The following FMO2 variants were observed in gnomAD, a reference collection of about 807,000 sequenced individuals.
FMO2 encodes the protein flavin-containing monooxygenase 2.
Under a neutral mutation model 41.6 loss-of-function variants are expected in FMO2, and 33 were observed. The ratio of observed to expected loss-of-function variants is 0.79; its 90% CI spans 0.60 to 1.06. The LOEUF (loss-of-function observed/expected upper bound fraction) is 1.06. Ranked by LOEUF, FMO2 falls within the 50% of genes least tolerant of loss-of-function variation. The pLI, the probability that FMO2 is intolerant of heterozygous loss-of-function variation, is 0.00. For missense variants in FMO2, 619 were observed against 632.9 expected (o/e 0.98, Z 0.23); for synonymous variants, 214 against 219.6 (o/e 0.97, Z 0.23).
intron 2 of FMO2, among the ~76,000 whole-genome samples, chr1:171,191,860 C>CAAAAAAA (rs61114452): frequency 1.4e-5 from 1 of 73,762 alleles, no homozygotes; most frequent in East Asian, 3.2e-4. Context: ...CTCATCTCTA[C>CAAAAAAA]AAAAAAAAAA....
intron 2 of FMO2, among the ~76,000 whole-genome samples, chr1:171,189,691 C>T (rs12567059): frequency 0.24 from 32,294 of 137,122 alleles, 4,311 homozygotes; most frequent in East Asian, 0.53. Context: ...TGGAGTCTCG[C>T]TCTGTTGCCC....
intron 7 of FMO2, among the ~76,000 whole-genome samples, chr1:171,207,004 A>G (rs1371654156): frequency 6.6e-6 from 1 of 152,212 alleles, no homozygotes; most frequent in East Asian, 1.9e-4. Flanking sequence ...GGTGGACAGT[A>G]GTGCTGTGAA....
Position 171,210,483 on chromosome 1 carries a change from A to T in FMO2, c.*1338A>T, listed in dbSNP as rs1281293875. The stretch of plus-strand genomic sequence containing the variant: ...TTTTTAGAATTGAAGTCTGAAACAA[A>T]CAAAAGCAATTCAATGTCAATAGAC... On this transcript the variant is annotated 3_prime_UTR_variant, in exon 9 of 9. Coordinates refer to ENST00000209929, the MANE Select transcript of FMO2 (RefSeq NM_001460.5). 2 of 152,226 alleles carry T rather than the reference A, an allele frequency of 1.3e-5. No homozygotes were observed. Among genetic ancestry groups the T allele is most frequent in the African/African-American group, 4.8e-5 (2 of 41,466 alleles). 9.4% of individuals were successfully genotyped at this position (152,226 alleles called of 1,614,324 possible).
intron 4 of FMO2, among the ~76,000 whole-genome samples, chr1:171,198,566 C>T (rs1170054725): frequency 6.6e-6 from 1 of 152,020 alleles, no homozygotes; most frequent in Non-Finnish European, 1.5e-5. Flanking sequence ...AAGTGCACGA[C>T]CACCCCTGGC....
chr1:171,210,332 T>C lies in FMO2; in HGVS notation c.*1187T>C, dbSNP rs141674151. On this transcript the variant is annotated 3_prime_UTR_variant, in exon 9 of 9. Coordinates refer to ENST00000209929, the MANE Select transcript of FMO2 (RefSeq NM_001460.5). ...TCTTTCAAGTAGATGCAAAGCATTA[T>C]AATGACTGACACTTGTATCTAACTC... 76 of 152,358 alleles carry C rather than the reference T, an allele frequency of 5.0e-4. No individual in the cohort carries two copies. The highest frequency in any genetic ancestry group is 1.7e-3 in the African/African-American group (71 of 41,594). 9.4% of individuals were successfully genotyped at this position (152,358 alleles called of 1,614,324 possible).
At chr1:171,201,290 A>G (rs1658523954) in intron 5 of FMO2, among the ~76,000 whole-genome samples, 1 of 152,160 alleles carries the variant, frequency 6.6e-6, no homozygotes. Flanking sequence ...TACATCACCT[A>G]CATAATAGAT....
rs1344147965 is a variant in FMO2, at chr1:171,185,758, A to C, written c.45A>C (p.Leu15=). Residue 15 remains leucine, a synonymous_variant, in exon 2 of 9, where the codon CTA becomes CTC. Coordinates refer to ENST00000209929, the MANE Select transcript of FMO2 (RefSeq NM_001460.5). The stretch of plus-strand genomic sequence containing the variant: ...TGATTGGAGCTGGGGTCAGTGGCCT[A>C]ATTTCTCTGAAGTGCTGTGTGGATG... The part of the protein sequence containing the change: ...VAVIGAGVSG[L]ISLKCCVDEG... 6.2e-7 allele frequency: 1 copy of C among 1,613,768 alleles called. No individual in the cohort carries two copies. Among genetic ancestry groups the C allele is most frequent in the African/African-American group, 1.3e-5 (1 of 74,894 alleles).
chr1:171,186,504 T>A (rs1349942333), intron 2 of FMO2: 1 of 152,234 alleles, frequency 6.6e-6, no homozygotes, highest in Non-Finnish European at 1.5e-5. Flanking sequence ...AAATTTACAA[T>A]CATGGCAGTG....
intron 3 of FMO2, among the ~76,000 whole-genome samples, 182 bp from the exon 4 acceptor site, chr1:171,196,467 A>G (rs1042722129): frequency 5.3e-5 from 8 of 152,190 alleles, no homozygotes; most frequent in Non-Finnish European, 1.2e-4. Flanking sequence ...AGATTCTGAC[A>G]GTTTTCATGA....
chr1:171,200,470 G>A (rs1658489911), intron 5 of FMO2, among the ~76,000 whole-genome samples: 1 of 152,174 alleles, frequency 6.6e-6, no homozygotes, highest in Non-Finnish European at 1.5e-5. Context: ...TCAGCCTGAT[G>A]TCTCTGGCCA....
Position 171,211,147 on chromosome 1 carries a change from A to C in FMO2, c.*2002A>C, listed in dbSNP as rs1000255077. On this transcript the variant is annotated 3_prime_UTR_variant, in exon 9 of 9. Transcript: ENST00000209929. The stretch of plus-strand genomic sequence containing the variant: ...TACTAATAAAATTTATCAAGCCTTT[A>C]TAGCAAGGGTCAGTGAATTACCACT... 4 of 152,242 alleles carry C rather than the reference A, an allele frequency of 2.6e-5. No homozygotes were observed. The East Asian group carries it at 7.7e-4, about 29-fold the overall frequency. The allele number at this position is 152,242 out of a possible 1,614,324, so 9.4% of individuals were successfully genotyped here.
rs1571296665 is a variant in FMO2 at position 171,209,118 on chromosome 1, C to T, written c.1581C>T (p.Ala527=). 1 of 678,960 alleles carries T rather than the reference C, an allele frequency of 1.5e-6. No homozygotes were observed. The highest frequency in any genetic ancestry group is 2.4e-6 in the Non-Finnish European group (1 of 413,346). 42.1% of individuals were successfully genotyped at this position (678,960 alleles called of 1,614,324 possible). The part of the protein sequence containing the change: ...KILGLLAVVV[A]FFCQLQWS ...TGGGCCTTCTTGCTGTTGTTGTGGC[C>T]TTTTTTTGCCAACTTCAATGGTCCT... Residue 527 remains alanine (A), a synonymous_variant, in exon 9 of 9, where the codon GCC becomes GCT. Coordinates refer to ENST00000209929, the MANE Select transcript of FMO2 (RefSeq NM_001460.5).
chr1:171,193,452 A>G lies in FMO2; in HGVS notation c.250A>G (p.Asn84Asp). 6.2e-7 allele frequency: 1 copy of G among 1,611,722 alleles called. No individual in the cohort carries two copies. Among genetic ancestry groups the G allele is most frequent in the Non-Finnish European group, 8.5e-7 (1 of 1,178,028 alleles). The stretch of plus-strand genomic sequence containing the variant: ...TGAAGATTTTCCAAACTTCCTGCAT[A>G]ATTCTAAACTTCTGGAATATTTCAG... ...MPEDFPNFLH[N>D]SKLLEYFRIF... is the part of the protein sequence containing the mutation. Residue 84 changes from asparagine to aspartate, a missense_variant, in exon 3 of 9, where the codon AAT (asparagine) becomes GAT (aspartate). Asn to Asp is a conservative substitution (Grantham distance 23). Coordinates refer to ENST00000209929, the MANE Select transcript of FMO2 (RefSeq NM_001460.5).
chr1:171,209,389 T>C lies in FMO2; in HGVS notation c.*244T>C. The C allele has an allele frequency of 2.9e-6, 1 of 341,740 alleles. No homozygotes were observed. The highest frequency in any genetic ancestry group is 5.2e-6 in the Non-Finnish European group (1 of 191,892). The allele number at this position is 341,740 out of a possible 1,614,324, so 21.2% of individuals were successfully genotyped here. A position where few individuals can be genotyped will look rare whatever the true frequency, so the allele number is the denominator to read the frequency against. On this transcript the variant is annotated 3_prime_UTR_variant, in exon 9 of 9. Transcript: ENST00000209929. ...TCACCAAAGTTACCAAAATGTAAAA[T>C]AAAATAAGACTGGCTCAGGTAAGTA...
intron 2 of FMO2, among the ~76,000 whole-genome samples, chr1:171,192,212 T>C (rs774397031): frequency 3.9e-5 from 6 of 152,128 alleles, no homozygotes; most frequent in Non-Finnish European, 5.9e-5. Flanking sequence ...ATTATGCAAT[T>C]TGAAGCCACT....
At chr1:171,189,654 C>CTTTTTTTT (rs199536748) in intron 2 of FMO2, among the ~76,000 whole-genome samples, 1,750 of 122,312 alleles carry the variant, frequency 0.014, 90 homozygotes, top group African/African-American at 0.026. Context: ...CGTCTTTTTT[C>CTTTTTTTT]TTTTCTTTTT....
At chr1:171,198,029 T>G (rs1658371385) in intron 4 of FMO2, among the ~76,000 whole-genome samples, 1 of 152,230 alleles carries the variant, frequency 6.6e-6, no homozygotes, top group South Asian at 2.1e-4. Flanking sequence ...AGCTCTGGCA[T>G]GAGGCTGAGA....
rs2020863 is a variant in FMO2 at position 171,205,392 on chromosome 1, A to G, written c.941A>G (p.Glu314Gly). The G allele has an allele frequency of 0.1, 167,725 of 1,613,718 alleles. 10,936 individuals are homozygous for G. Among genetic ancestry groups the G allele is most frequent in the East Asian group, 0.25 (11,206 of 44,848 alleles). The part of the protein sequence containing the change: ...KELTETSAIF[E>G]DGTVEENIDV... ...CTCACAGAAACTTCTGCCATCTTTG[A>G]GGATGGAACAGTGGAGGAGAACATT... The change falls in exon 7 of 9, where the codon GAG (glutamate) becomes GGG (glycine). Residue 314 changes from glutamate (E) to glycine (G), a missense_variant. Physicochemically the swap from Glu to Gly is moderately conservative, Grantham distance 98. Coordinates refer to ENST00000209929, the MANE Select transcript of FMO2 (RefSeq NM_001460.5).
At chr1:171,191,534 C>G (rs903905987) in intron 2 of FMO2, among the ~76,000 whole-genome samples, 1 of 152,132 alleles carries the variant, frequency 6.6e-6, no homozygotes, top group African/African-American at 2.4e-5. Flanking sequence ...GTACTTTATT[C>G]ACTCTCATTA....
Sources: allele counts gnomAD v4.1 joint callset (sites outside exome capture counted in the v4.1 genomes callset), GRCh38; gene constraint gnomAD v4.1.1; transcripts MANE v1.5; gene names NCBI Gene and HGNC (gene_info 2026-07-23, HGNC 2026-07-21).